Variants in RALGPS1 observed in about 807,000 individuals in gnomAD.
RALGPS1 encodes the protein ras-specific guanine nucleotide-releasing factor RalGPS1.
In RALGPS1, 19 loss-of-function variants were observed where a neutral mutation model predicts 78.8. The observed-to-expected ratio is 0.24, with a 90% CI of 0.17 to 0.35. RALGPS1 has a LOEUF of 0.35. Among genes scored for constraint, RALGPS1 ranks in the 10% least tolerant of loss-of-function variants. The pLI is 1.00. For missense variants in RALGPS1, 454 were observed against 688.3 expected, an observed-to-expected ratio of 0.66 and a Z score of 3.81; for synonymous variants, 228 against 256.3, an observed-to-expected ratio of 0.89 and a Z score of 1.06.
intron 5 of RALGPS1, 108 bp from the exon 6 acceptor site, chr9:127,049,935 C>G: frequency 1.2e-6 from 1 of 810,962 alleles, no homozygotes; most frequent in Non-Finnish European, 2.1e-6. Flanking sequence ...AGTTTCCTGA[C>G]CTCTTGGAAA....
intron 4 of RALGPS1, among the ~76,000 whole-genome samples, chr9:127,002,332 C>A (rs2043388182): frequency 6.6e-6 from 1 of 151,210 alleles, no homozygotes; most frequent in African/African-American, 2.4e-5. Flanking sequence ...GTATTCCATT[C>A]ATTGTATGAG....
chr9:127,179,311 T>C (rs2060073160), intron 11 of RALGPS1, among the ~76,000 whole-genome samples: 5 of 151,350 alleles, frequency 3.3e-5, no homozygotes, highest in Non-Finnish European at 7.4e-5. Context: ...AGACAGAGAG[T>C]GGGTGCTGCT....
chr9:127,059,463 A>G (rs1376485649), intron 7 of RALGPS1, among the ~76,000 whole-genome samples: 9 of 152,144 alleles, frequency 5.9e-5, no homozygotes, highest in Non-Finnish European at 2.9e-5. Flanking sequence ...TGCTACAACA[A>G]TGGACACTGT....
At chr9:127,146,800 TCTCAAA>T (rs2138890766) in intron 8 of RALGPS1, among the ~76,000 whole-genome samples, 1 of 152,350 alleles carries the variant, frequency 6.6e-6, no homozygotes, top group Admixed American at 6.5e-5. Context: ...TGCCTCAGCT[TCTCAAA>T]GTGCTGAGAT....
At chr9:127,040,122 C>T (rs779166741) in intron 5 of RALGPS1, among the ~76,000 whole-genome samples, 18 of 152,080 alleles carry the variant, frequency 1.2e-4, no homozygotes, top group African/African-American at 1.7e-4. Flanking sequence ...TGAAGTAGGC[C>T]GGGCATGGTG....
chr9:127,017,448 C>T (rs2044958848), intron 4 of RALGPS1, among the ~76,000 whole-genome samples: 1 of 152,052 alleles, frequency 6.6e-6, no homozygotes, highest in African/African-American at 2.4e-5. Context: ...GATGGAACTT[C>T]CAAGACTAGA....
At position 126,962,264 on chromosome 9, in the gene RALGPS1, C is replaced by T; in HGVS notation, c.-26C>T. 3 of 1,613,828 alleles carry T rather than the reference C, an allele frequency of 1.9e-6. No individual in the cohort carries two copies. The highest frequency in any genetic ancestry group is 2.5e-6 in the Non-Finnish European group (3 of 1,179,828). On this transcript the variant is annotated 5_prime_UTR_variant, in exon 2 of 19. Transcript: ENST00000259351. ...GGTTATGTTACCTGCAGAGGCTGCCCTGAAGCTCCCTGTGGCCTGGAGACT... is the reference window on the plus strand; with the variant it reads ...GGTTATGTTACCTGCAGAGGCTGCCTTGAAGCTCCCTGTGGCCTGGAGACT...
At chr9:127,199,375 A>G (rs1036551214) in intron 14 of RALGPS1, among the ~76,000 whole-genome samples, 1 of 152,218 alleles carries the variant, frequency 6.6e-6, no homozygotes, top group African/African-American at 2.4e-5. Flanking sequence ...TCTTGAAACC[A>G]AAAGCCTAAG....
intron 1 of RALGPS1, among the ~76,000 whole-genome samples, chr9:126,952,628 T>TGAGAGAGAGA (rs34773282): frequency 7.2e-6 from 1 of 138,908 alleles, no homozygotes; most frequent in African/African-American, 2.6e-5. Context: ...TGGCTGTGGC[T>TGAGAGAGAGA]GAGAGAGAGA....
intron 1 of RALGPS1, among the ~76,000 whole-genome samples, chr9:126,959,067 T>C (rs554476274): frequency 1.2e-3 from 181 of 150,064 alleles, no homozygotes; most frequent in Middle Eastern, 3.4e-3. Flanking sequence ...TCTTCTTCTT[T>C]TTTTTTTTTT....
intron 8 of RALGPS1, among the ~76,000 whole-genome samples, chr9:127,121,927 C>G (rs898248239): frequency 6.6e-6 from 1 of 152,200 alleles, no homozygotes; most frequent in Non-Finnish European, 1.5e-5. Context: ...CTACCCAAGT[C>G]CTTGGGCCAC....
At chr9:126,933,344 G>C (rs2035972477) in intron 1 of RALGPS1, among the ~76,000 whole-genome samples, 1 of 152,186 alleles carries the variant, frequency 6.6e-6, no homozygotes, top group Admixed American at 6.5e-5. Context: ...TGGGACCCCA[G>C]AGGGGCCAGT....
intron 18 of RALGPS1, 151 bp downstream of exon 18, chr9:127,214,993 C>T: frequency 7.5e-7 from 1 of 1,335,896 alleles, no homozygotes; most frequent in South Asian, 1.5e-5. Flanking sequence ...TCCCTTGAGA[C>T]AAGGCACCCC....
At chr9:127,113,148 A>C (rs529080495) in intron 8 of RALGPS1, among the ~76,000 whole-genome samples, 1 of 152,196 alleles carries the variant, frequency 6.6e-6, no homozygotes, top group Non-Finnish European at 1.5e-5. Context: ...GGCGCCTGAC[A>C]TACATTGTCC....
chr9:127,039,172 G>A (rs1263951244), intron 5 of RALGPS1, among the ~76,000 whole-genome samples: 1 of 152,154 alleles, frequency 6.6e-6, no homozygotes, highest in African/African-American at 2.4e-5. Flanking sequence ...GCCCAAGTGA[G>A]TACCTGAGGA....
At chr9:126,953,939 G>A (rs886631639) in intron 1 of RALGPS1, among the ~76,000 whole-genome samples, 4 of 152,114 alleles carry the variant, frequency 2.6e-5, no homozygotes, top group Admixed American at 2.0e-4. Flanking sequence ...AGGTGGGAGA[G>A]GACACCTGCC....
chr9:126,989,105 T>A (rs2042055842), intron 4 of RALGPS1, among the ~76,000 whole-genome samples: 1 of 151,974 alleles, frequency 6.6e-6, no homozygotes, highest in South Asian at 2.1e-4. Context: ...ATCATCATCA[T>A]CATCGCTGAA....
chr9:127,148,681 C>T (rs1212286314), intron 8 of RALGPS1, among the ~76,000 whole-genome samples: 1 of 152,168 alleles, frequency 6.6e-6, no homozygotes, highest in Non-Finnish European at 1.5e-5. Context: ...ACCTCCTGTA[C>T]TACCCCAGAG....
At chr9:127,050,015 G>C in intron 5 of RALGPS1, 28 bp from the exon 6 acceptor site, 1 of 1,522,676 alleles carries the variant, frequency 6.6e-7, no homozygotes, top group Non-Finnish European at 9.1e-7. Flanking sequence ...GTGTGTATGT[G>C]TGTATGTGTG....
Sources: gnomAD v4.1 joint callset for allele counts (sites outside exome capture counted in the v4.1 genomes callset) on GRCh38, gnomAD v4.1.1 for gene constraint, MANE v1.5 for transcripts, NCBI Gene and HGNC (gene_info 2026-07-23, HGNC 2026-07-21) for gene names.